Variants in RUSC2 observed in about 807,000 individuals in gnomAD.
The protein encoded by RUSC2 is RUN and SH3 domain containing 2, also known as AP-4 complex accessory subunit RUSC2.
In RUSC2, 34 loss-of-function variants were observed where a neutral mutation model predicts 122.2. That is an observed-to-expected ratio of 0.28 (90% confidence interval 0.21 to 0.37). The LOEUF is 0.37. RUSC2 is among the 10% of genes least tolerant of loss of function. The probability of loss-of-function intolerance (pLI) is 1.00; values close to 1 mark genes in which losing one functional copy is unlikely to be tolerated. For synonymous variants in RUSC2, 784 were observed against 790.0 expected, an observed-to-expected ratio of 0.99 and a Z score of 0.13; for missense variants, 1,747 against 1,952.4, an observed-to-expected ratio of 0.89 and a Z score of 1.98.
chr9:35,553,373 C>T (rs1821940669), intron 2 of RUSC2, among the ~76,000 whole-genome samples: 1 of 152,202 alleles, frequency 6.6e-6, no homozygotes, highest in Admixed American at 6.5e-5. Flanking sequence ...TACTGTGTGC[C>T]AGCCTCTGTT....
At position 35,555,778 on chromosome 9, in the gene RUSC2, C is replaced by G. The variant is rs1319551604; in HGVS notation, c.2656+77C>G. ...CCACCACCTCCCCTTTGAGTGGTTG[C>G]TTACACTCTCACCTGGGGCCAGAGG... is the stretch of plus-strand genomic sequence containing the variant. On this transcript the variant is annotated intron_variant, in intron 3 of 11. Transcript: ENST00000361226. The surrounding 1 kb of genome is among the most constrained non-coding windows in gnomAD (Gnocchi z 4.6). 1.3e-6 allele frequency: 2 copies of G among 1,504,676 alleles called. No individual in the cohort carries two copies. The highest frequency in any genetic ancestry group is 4.3e-5 in the Admixed American group (2 of 46,082). The allele number at this position is 1,504,676 out of a possible 1,614,324, so 93.2% of individuals were successfully genotyped here. A position where few individuals can be genotyped will look rare whatever the true frequency, so the allele number is the denominator to read the frequency against.
chr9:35,551,156 A>C (rs1345350874), intron 2 of RUSC2, among the ~76,000 whole-genome samples: 1 of 152,170 alleles, frequency 6.6e-6, no homozygotes, highest in African/African-American at 2.4e-5. Context: ...AAGAGTTCTA[A>C]AGAGAAATCA....
Position 35,560,753 on chromosome 9 carries a change from A to AAAT in RUSC2, c.4114_4116dup (p.Asn1372dup). Reference sequence around the variant, plus strand: ...AAGGGCCCGCTGCCTCGCCAGCAGAAAATGAGGAAGGGGCCTCAGAGCCTT... The same window carrying AAAT: ...AAGGGCCCGCTGCCTCGCCAGCAGAAAATAATGAGGAAGGGGCCTCAGAGCCTT... On this transcript the variant is annotated inframe_insertion, in exon 10 of 12. Transcript: ENST00000361226. 6.5e-7 allele frequency: 1 copy of AAAT among 1,541,752 alleles called. No homozygotes were observed. The highest frequency in any genetic ancestry group is 1.3e-5 in the South Asian group (1 of 78,774).
chr9:35,492,044 A>AT (rs898711022), intron 1 of RUSC2, among the ~76,000 whole-genome samples: 48 of 151,606 alleles, frequency 3.2e-4, no homozygotes, highest in African/African-American at 7.3e-4. Context: ...AAGCAATACA[A>AT]TTTTTTTTTA....
At chr9:35,500,273 AAG>A (rs10672783) in intron 1 of RUSC2, among the ~76,000 whole-genome samples, 362 of 151,448 alleles carry the variant, frequency 2.4e-3, no homozygotes, top group Non-Finnish European at 4.4e-3. Flanking sequence ...ATGACAGGCA[AAG>A]AGAGAGAGAG....
At position 35,557,602 on chromosome 9, in the gene RUSC2, T is replaced by C. The variant is rs1040144082; in HGVS notation, c.2984-312T>C. ...TTTTCTTCAGGTCAGTGGCCCGGTT[T>C]CTCAGAGTGGAGAAAACCGATAGTT... On this transcript the variant is annotated intron_variant, in intron 5 of 11. Coordinates refer to ENST00000361226, the MANE Select transcript of RUSC2 (RefSeq NM_014806.5). The surrounding 1 kb of genome is among the most constrained non-coding windows in gnomAD (Gnocchi z 4.6). Among the ~76,000 whole-genome samples, 1 of 152,146 alleles carries C rather than the reference T, an allele frequency of 6.6e-6. No individual in the cohort carries two copies. The highest frequency in any genetic ancestry group is 1.5e-5 in the Non-Finnish European group (1 of 68,034).
chr9:35,550,873 C>CAAG (rs1821877774), intron 2 of RUSC2, among the ~76,000 whole-genome samples: 1 of 151,118 alleles, frequency 6.6e-6, no homozygotes, highest in African/African-American at 2.4e-5. Flanking sequence ...GTCAGGAGTT[C>CAAG]ACCAGCCTGA....
chr9:35,512,002 A>G (rs1311420525), intron 1 of RUSC2, among the ~76,000 whole-genome samples: 2 of 152,154 alleles, frequency 1.3e-5, no homozygotes, highest in Admixed American at 6.5e-5. Context: ...AACAAGGTGA[A>G]ACCCCGTCTC....
At chr9:35,520,364 G>A (rs1821189734) in intron 1 of RUSC2, among the ~76,000 whole-genome samples, 1 of 152,176 alleles carries the variant, frequency 6.6e-6, no homozygotes, top group African/African-American at 2.4e-5. Flanking sequence ...GGGTGTACTT[G>A]AATAAAAAGA....
intron 2 of RUSC2, among the ~76,000 whole-genome samples, chr9:35,551,523 C>T (rs1423835129): frequency 6.6e-6 from 1 of 152,146 alleles, no homozygotes; most frequent in East Asian, 1.9e-4. Context: ...CAGTGTCTGT[C>T]TGCTGGGTGC....
chr9:35,544,097 TATC>T (rs1298632723), intron 1 of RUSC2, among the ~76,000 whole-genome samples: 1 of 152,198 alleles, frequency 6.6e-6, no homozygotes, highest in Admixed American at 6.5e-5. Flanking sequence ...AGTTTCTTCA[TATC>T]ATCATCAACA....
chr9:35,536,711 G>A (rs925796074), intron 1 of RUSC2, among the ~76,000 whole-genome samples: 11 of 150,770 alleles, frequency 7.3e-5, no homozygotes, highest in African/African-American at 2.7e-4. Context: ...CTACTCGGGA[G>A]GCTGAGACAG....
chr9:35,536,036 T>G (rs1821520801), intron 1 of RUSC2, among the ~76,000 whole-genome samples: 1 of 152,220 alleles, frequency 6.6e-6, no homozygotes, highest in African/African-American at 2.4e-5. Flanking sequence ...TTAAGGCAGA[T>G]ATGCAAAAAA....
At position 35,546,904 on chromosome 9, in the gene RUSC2, A is replaced by G; in HGVS notation, c.383A>G (p.Gln128Arg). The G allele has an allele frequency of 6.3e-7, 1 of 1,581,348 alleles. No individual in the cohort carries two copies. The highest frequency in any genetic ancestry group is 8.6e-7 in the Non-Finnish European group (1 of 1,163,774). The change falls in exon 2 of 12, where the codon CAG (glutamine) becomes CGG (arginine). Residue 128 changes from glutamine to arginine, a missense_variant. By Grantham distance (43) the Gln-to-Arg change is conservative. Coordinates refer to ENST00000361226, the MANE Select transcript of RUSC2 (RefSeq NM_014806.5). This position sits in a 1 kb window ranked among gnomAD's most constrained non-coding sequence, Gnocchi z 4.3. ...GACAGCATTGGTGACAGTGCCACCCAGCAGTCCTTCCACCTGCATGGCACT... is the reference window on the plus strand; with the variant it reads ...GACAGCATTGGTGACAGTGCCACCCGGCAGTCCTTCCACCTGCATGGCACT... ...YDDSIGDSAT[Q>R]QSFHLHGTGQ...
Position 35,561,541 on chromosome 9 carries a change from G to A in RUSC2, c.*159G>A, listed in dbSNP as rs1463755900. ...GCTCCCTGTGCTCAGTATTAATTAC[G>A]CCCCCTTAACTGTCCCAGTGACCTT... On this transcript the variant is annotated 3_prime_UTR_variant, in exon 12 of 12. Coordinates refer to ENST00000361226, the MANE Select transcript of RUSC2 (RefSeq NM_014806.5). The A allele has an allele frequency of 1.3e-5, 8 of 636,580 alleles. No homozygotes were observed. Among genetic ancestry groups the A allele is most frequent in the East Asian group, 1.1e-4 (4 of 36,548 alleles). 39.4% of individuals were successfully genotyped at this position (636,580 alleles called of 1,614,324 possible).
intron 2 of RUSC2, 83 bp from the exon 3 acceptor site, chr9:35,554,977 C>G: frequency 2.0e-6 from 3 of 1,529,982 alleles, no homozygotes; most frequent in Non-Finnish European, 2.7e-6. Flanking sequence ...CCCCTCTCCC[C>G]TCTCCCATCT....
At chr9:35,552,027 C>T (rs1821910636) in intron 2 of RUSC2, among the ~76,000 whole-genome samples, 1 of 151,326 alleles carries the variant, frequency 6.6e-6, no homozygotes, top group Non-Finnish European at 1.5e-5. Flanking sequence ...TGCACCACTG[C>T]ATCCCAGCCT....
Position 35,546,879 on chromosome 9 carries a change from G to T in RUSC2, c.358G>T (p.Asp120Tyr), listed in dbSNP as rs770755738. Residue 120 changes from aspartate (D) to tyrosine (Y), a missense_variant, in exon 2 of 12, where the codon GAC (aspartate) becomes TAC (tyrosine). Asp to Tyr is a radical substitution (Grantham distance 160). Transcript: ENST00000361226. This position sits in a 1 kb window ranked among gnomAD's most constrained non-coding sequence, Gnocchi z 4.3. ...GEPGLGDLYD[D>Y]SIGDSATQQS... Reference sequence around the variant, plus strand: ...GCCAGGACTTGGTGACCTGTATGATGACAGCATTGGTGACAGTGCCACCCA... The same window carrying T: ...GCCAGGACTTGGTGACCTGTATGATTACAGCATTGGTGACAGTGCCACCCA... 12 of 1,597,044 alleles carry T rather than the reference G, an allele frequency of 7.5e-6. No homozygotes were observed. In the African/African-American group the frequency reaches 1.1e-4, roughly 14 times the overall value.
At position 35,557,920 on chromosome 9, in the gene RUSC2, T is replaced by G; in HGVS notation, c.2990T>G (p.Val997Gly). The G allele has an allele frequency of 6.2e-7, 1 of 1,614,160 alleles. No individual in the cohort carries two copies. The highest frequency in any genetic ancestry group is 8.5e-7 in the Non-Finnish European group (1 of 1,180,000). The change falls in exon 6 of 12, where the codon GTA (valine) becomes GGA (glycine). Residue 997 changes from valine to glycine, a missense_variant. Val to Gly is a moderately radical substitution (Grantham distance 109). Coordinates refer to ENST00000361226, the MANE Select transcript of RUSC2 (RefSeq NM_014806.5). The surrounding 1 kb of genome is among the most constrained non-coding windows in gnomAD (Gnocchi z 4.6). ...ATCACATTCTTCCCTGCAGGGCTGG[T>G]AAAAGCTGTTAACATCGCTGTGGAC... ...SIDLLQKKGL[V>G]KAVNIAVDLI...
Sources: allele counts gnomAD v4.1 joint callset (sites outside exome capture counted in the v4.1 genomes callset), GRCh38; gene constraint gnomAD v4.1.1; non-coding constraint Gnocchi (gnomAD v3.1); transcripts MANE v1.5; gene names NCBI Gene and HGNC (gene_info 2026-07-23, HGNC 2026-07-21).